SPART: variants seen among roughly 807,000 people sequenced by gnomAD.
SPART encodes the protein spartin.
SPART carries 35 observed loss-of-function variants against 58.7 expected under a neutral mutation model. That is an observed-to-expected ratio of 0.60 (90% CI 0.46 to 0.79). The LOEUF is 0.79. SPART is among the 30% of genes least tolerant of loss of function. SPART has a pLI of 0.00. For synonymous variants in SPART, 284 were observed against 280.7 expected (o/e 1.01, Z -0.12); for missense variants, 730 against 786.1 (o/e 0.93, Z 0.85).
chr13:36,304,734 GAAAGCAAAATT>G, intron 8 of SPART, 102 bp from the exon 9 acceptor site: 4 of 1,262,774 alleles, frequency 3.2e-6, no homozygotes, highest in African/African-American at 1.5e-5. Flanking sequence ...TGTTACCCCT[GAAAGCAAAATT>G]AAAGCTTAGG....
chr13:36,332,493 G>A (rs1011026123), intron 2 of SPART, among the ~76,000 whole-genome samples: 5 of 152,140 alleles, frequency 3.3e-5, no homozygotes, highest in Non-Finnish European at 7.4e-5. Flanking sequence ...AACACAGCAA[G>A]ACTCTGTCTC....
intron 1 of SPART, among the ~76,000 whole-genome samples, chr13:36,353,229 G>A (rs1291115185): frequency 6.6e-6 from 1 of 152,192 alleles, no homozygotes; most frequent in Non-Finnish European, 1.5e-5. Flanking sequence ...AGACAAATAT[G>A]TAAAGAATGA....
Position 36,369,841 on chromosome 13 carries a change from T to C in SPART, c.-3+248A>G, listed in dbSNP as rs549067128. Reference sequence around the variant, plus strand: ...CCACACTGTAGGAAGAGTAAAGCCATGGAGATCGCAGGCCTGGCTCTTCAT... The same window carrying C: ...CCACACTGTAGGAAGAGTAAAGCCACGGAGATCGCAGGCCTGGCTCTTCAT... On this transcript the variant is annotated intron_variant, in intron 1 of 8. Transcript: ENST00000355182. Among the ~76,000 whole-genome samples the C allele has an allele frequency of 2.0e-5, 3 of 152,278 alleles. No homozygotes were observed. In the South Asian group the frequency reaches 6.2e-4, roughly 32 times the overall value.
At position 36,335,319 on chromosome 13, in the gene SPART, G is replaced by A; in HGVS notation, c.512C>T (p.Pro171Leu). 1.2e-6 allele frequency: 2 copies of A among 1,614,074 alleles called. No homozygotes were observed. Among genetic ancestry groups the A allele is most frequent in the Middle Eastern group, 1.6e-4 (1 of 6,062 alleles). Residue 171 changes from proline (P) to leucine (L), a missense_variant, in exon 2 of 9, where the codon CCT (proline) becomes CTT (leucine). By Grantham distance (98) the Pro-to-Leu change is moderately conservative. Coordinates refer to ENST00000438666, the MANE Select transcript of SPART (RefSeq NM_015087.5). ...LPSQSCPAEA[P>L]PAYTPQAAEG... ...AGCAGCTTGAGGAGTATAAGCAGGAGGAGCTTCTGCTGGACAACTTTGTGA... is the reference window on the plus strand; with the variant it reads ...AGCAGCTTGAGGAGTATAAGCAGGAAGAGCTTCTGCTGGACAACTTTGTGA...
intron 1 of SPART, among the ~76,000 whole-genome samples, chr13:36,361,859 C>G (rs766245645): frequency 3.9e-5 from 6 of 152,174 alleles, no homozygotes; most frequent in Non-Finnish European, 7.3e-5. Context: ...TTGATATTTA[C>G]AATTGATATT....
At chr13:36,319,645 A>C (rs139861049) in intron 5 of SPART, among the ~76,000 whole-genome samples, 14,770 of 118,372 alleles carry the variant, frequency 0.12, 1,175 homozygotes, top group East Asian at 0.31. Flanking sequence ...ATATACTCTC[A>C]TATCCTCAGT....
intron 5 of SPART, among the ~76,000 whole-genome samples, chr13:36,315,270 T>C (rs1305430063): frequency 6.6e-6 from 1 of 152,110 alleles, no homozygotes; most frequent in Non-Finnish European, 1.5e-5. Flanking sequence ...GGGAGAGGGA[T>C]GGGAAAAGAA....
upstream of SPART, among the ~76,000 whole-genome samples, chr13:36,347,953 G>A (rs758791232): frequency 3.3e-5 from 5 of 152,010 alleles, no homozygotes; most frequent in African/African-American, 1.2e-4. Context: ...TCATATTTCC[G>A]TTCCATATTG....
chr13:36,348,531 A>G (rs1885283466), upstream of SPART, among the ~76,000 whole-genome samples: 1 of 152,342 alleles, frequency 6.6e-6, no homozygotes, highest in Non-Finnish European at 1.5e-5. Context: ...CAACAGGTCA[A>G]CATACAGAAA....
chr13:36,367,071 CAGTT>C (rs1886089219), intron 1 of SPART, among the ~76,000 whole-genome samples: 2 of 152,166 alleles, frequency 1.3e-5, no homozygotes, highest in South Asian at 4.1e-4. Flanking sequence ...CCCCTAACAG[CAGTT>C]AGTGTGGCAT....
At chr13:36,337,629 G>A (rs1884145674) in intron 1 of SPART, among the ~76,000 whole-genome samples, 1 of 152,190 alleles carries the variant, frequency 6.6e-6, no homozygotes, top group Non-Finnish European at 1.5e-5. Context: ...GCAGAACTGA[G>A]TCAATTAAAC....
intron 1 of SPART, among the ~76,000 whole-genome samples, chr13:36,362,203 T>C (rs1248499264): frequency 6.6e-6 from 1 of 151,958 alleles, no homozygotes; most frequent in Non-Finnish European, 1.5e-5. Flanking sequence ...GTACAAAAAT[T>C]AGCTGGGCAT....
chr13:36,359,408 G>C (rs1220409717), intron 1 of SPART, among the ~76,000 whole-genome samples: 1 of 152,158 alleles, frequency 6.6e-6, no homozygotes. Flanking sequence ...GGAAAAATCT[G>C]AAACACCTTA....
chr13:36,343,450 TGAAA>T (rs1884764368), intron 1 of SPART, among the ~76,000 whole-genome samples: 3 of 152,150 alleles, frequency 2.0e-5, no homozygotes, highest in Admixed American at 2.0e-4. Context: ...TGAATACAGG[TGAAA>T]GAATGATGTA....
chr13:36,367,047 T>C (rs757945541), intron 1 of SPART, among the ~76,000 whole-genome samples: 51 of 152,132 alleles, frequency 3.4e-4, no homozygotes, highest in Non-Finnish European at 6.6e-4. Context: ...CCGGAAAGAT[T>C]CGCCGCCCAA....
chr13:36,361,844 C>G (rs1345608796), intron 1 of SPART, among the ~76,000 whole-genome samples: 1 of 152,174 alleles, frequency 6.6e-6, no homozygotes, highest in Non-Finnish European at 1.5e-5. Flanking sequence ...CTATTGTAAT[C>G]TCTGTTGATA....
intron 1 of SPART, among the ~76,000 whole-genome samples, chr13:36,362,997 C>T (rs1335627706): frequency 1.3e-5 from 2 of 152,060 alleles, no homozygotes; most frequent in African/African-American, 2.4e-5. Flanking sequence ...AACATGCATA[C>T]ACATCCTCTG....
chr13:36,353,772 T>G (rs1223298487), intron 1 of SPART, among the ~76,000 whole-genome samples: 1 of 152,206 alleles, frequency 6.6e-6, no homozygotes, highest in Non-Finnish European at 1.5e-5. Flanking sequence ...TTTTTGTGGT[T>G]TCGACAACAT....
intron 6 of SPART, among the ~76,000 whole-genome samples, chr13:36,313,432 G>A (rs780626729): frequency 6.6e-6 from 1 of 152,274 alleles, no homozygotes; most frequent in East Asian, 1.9e-4. Flanking sequence ...TGTGGCCCAA[G>A]TGTACAGTGT....
Sources: allele counts gnomAD v4.1 joint callset (sites outside exome capture counted in the v4.1 genomes callset), GRCh38; gene constraint gnomAD v4.1.1; transcripts MANE v1.5; gene names NCBI Gene and HGNC (gene_info 2026-07-23, HGNC 2026-07-21).